GALNT18: variants seen among roughly 807,000 people sequenced by gnomAD.
The protein encoded by GALNT18 is polypeptide N-acetylgalactosaminyltransferase 18.
A neutral mutation model predicts 69.5 loss-of-function variants in GALNT18; 44 were observed. That is an observed-to-expected ratio of 0.63 (90% CI 0.50 to 0.81). GALNT18 has a LOEUF of 0.81. Among genes scored for constraint, GALNT18 ranks in the 40% least tolerant of loss-of-function variants. The pLI is 0.00. For synonymous variants in GALNT18, 364 were observed against 318.2 expected (o/e 1.14, Z -1.53); for missense variants, 715 against 810.0 (o/e 0.88, Z 1.42).
intron 1 of GALNT18, among the ~76,000 whole-genome samples, chr11:11,504,974 A>G (rs373183862): frequency 6.6e-6 from 1 of 152,316 alleles, no homozygotes; most frequent in East Asian, 1.9e-4. Context: ...GTAGCTTCCC[A>G]GCTAAAGGAA....
chr11:11,449,032 A>G, intron 1 of GALNT18, 96 bp from the exon 2 acceptor site: 2 of 1,060,452 alleles, frequency 1.9e-6, no homozygotes, highest in Non-Finnish European at 2.6e-6. Context: ...CCTTTGGTAA[A>G]ACAATCTTAG....
chr11:11,497,257 G>C lies in GALNT18; in HGVS notation c.236-48321C>G, dbSNP rs1856882406. 6.7e-6 allele frequency among the ~76,000 whole-genome samples: 1 copy of C among 149,414 alleles called. No homozygotes were observed. Among genetic ancestry groups the C allele is most frequent in the Non-Finnish European group, 1.5e-5 (1 of 67,754 alleles). ...TCCCTCTACCAAAGCCTTGTGTCCT[G>C]TTTTCCTCATAGCATATACCATTAC... On this transcript the variant is annotated intron_variant, in intron 1 of 10. Transcript: ENST00000227756. The surrounding 1 kb of genome is among the most constrained non-coding windows in gnomAD (Gnocchi z 4.2).
intron 1 of GALNT18, among the ~76,000 whole-genome samples, chr11:11,499,409 CA>C (rs1856929600): frequency 6.6e-6 from 1 of 152,202 alleles, no homozygotes; most frequent in Non-Finnish European, 1.5e-5. Context: ...ACTGCCCTCC[CA>C]CCCCTGACTG....
chr11:11,300,400 CATAAGGGAGAAA>C (rs1849473200), intron 9 of GALNT18, among the ~76,000 whole-genome samples: 2 of 152,290 alleles, frequency 1.3e-5, no homozygotes, highest in South Asian at 4.1e-4. Context: ...TAGAACCCAT[CATAAGGGAGAAA>C]ACAACGGAAT....
In GALNT18 at chr11:11,272,595, A is replaced by G. The variant is rs374975374; in HGVS notation, c.1678-1305T>C. Among the ~76,000 whole-genome samples the G allele has an allele frequency of 4.6e-5, 7 of 152,310 alleles. No homozygotes were observed. The East Asian group carries it at 9.7e-4, about 21-fold the overall frequency. On this transcript the variant is annotated intron_variant, in intron 10 of 10. Transcript: ENST00000227756. Reference sequence around the variant, plus strand: ...CTTGTACTTTTCTGAACCCATTTACATTAACTCAGGGTTCCTGCACTTTAA... The same window carrying G: ...CTTGTACTTTTCTGAACCCATTTACGTTAACTCAGGGTTCCTGCACTTTAA...
chr11:11,486,875 G>A (rs957287977), intron 1 of GALNT18, among the ~76,000 whole-genome samples: 1 of 152,226 alleles, frequency 6.6e-6, no homozygotes, highest in East Asian at 1.9e-4. Flanking sequence ...AAAGGGAGAT[G>A]GATAAGAGCT....
At position 11,387,518 on chromosome 11, in the gene GALNT18, G is replaced by A. The variant is rs1267772053; in HGVS notation, c.596-8254C>T. ...TTGTCTCCAATGGTGCTAATTTAAA[G>A]ATTAAAAGTGTGTTTATTCCTTTCC... On this transcript the variant is annotated intron_variant, in intron 3 of 10. Coordinates refer to ENST00000227756, the MANE Select transcript of GALNT18 (RefSeq NM_198516.3). The surrounding 1 kb of genome is among the most constrained non-coding windows in gnomAD (Gnocchi z 4.6). 2.0e-5 allele frequency among the ~76,000 whole-genome samples: 3 copies of A among 152,192 alleles called. No individual in the cohort carries two copies. The highest frequency in any genetic ancestry group is 4.8e-5 in the African/African-American group (2 of 41,440).
Position 11,332,069 on chromosome 11 carries a change from T to C in GALNT18, c.1416+625A>G, listed in dbSNP as rs1466410310. Among the ~76,000 whole-genome samples the C allele has an allele frequency of 6.6e-6, 1 of 152,126 alleles. No homozygotes were observed. Among genetic ancestry groups the C allele is most frequent in the African/African-American group, 2.4e-5 (1 of 41,426 alleles). ...ACCCCCATTTAACAGGTGAAGAAAC[T>C]GAGGCCCATGACATTAAGACACTTA... On this transcript the variant is annotated intron_variant, in intron 8 of 10. Transcript: ENST00000227756. The surrounding 1 kb of genome is among the most constrained non-coding windows in gnomAD (Gnocchi z 4.3).
chr11:11,272,462 A>G (rs1172408231), intron 10 of GALNT18, among the ~76,000 whole-genome samples: 1 of 152,174 alleles, frequency 6.6e-6, no homozygotes, highest in Non-Finnish European at 1.5e-5. Context: ...ACAAAGTCCA[A>G]GCTCCTCAGT....
Position 11,600,274 on chromosome 11 carries a change from C to T in GALNT18, c.235+21085G>A, listed in dbSNP as rs1444258514. Among the ~76,000 whole-genome samples, 11 of 152,082 alleles carry T rather than the reference C, an allele frequency of 7.2e-5. No homozygotes were observed. The highest frequency in any genetic ancestry group is 1.5e-4 in the Non-Finnish European group (10 of 67,952). On this transcript the variant is annotated intron_variant, in intron 1 of 10. Coordinates refer to ENST00000227756, the MANE Select transcript of GALNT18 (RefSeq NM_198516.3). This position sits in a 1 kb window ranked among gnomAD's most constrained non-coding sequence, Gnocchi z 4.8. ...TTGAATTACTGTCCTGTGTGACTCA[C>T]ATTCAGCCTGAAGAACAATCTGTAG...
Position 11,538,404 on chromosome 11 carries a change from G to T in GALNT18, c.235+82955C>A, listed in dbSNP as rs111365858. On this transcript the variant is annotated intron_variant, in intron 1 of 10. Coordinates refer to ENST00000227756, the MANE Select transcript of GALNT18 (RefSeq NM_198516.3). This position sits in a 1 kb window ranked among gnomAD's most constrained non-coding sequence, Gnocchi z 5.2. ...GTTCATTTCAGCTGAGCCACCCGGG[G>T]TGTCTGTCCCCAGACGTGGACACCA... 2.2e-4 allele frequency among the ~76,000 whole-genome samples: 33 copies of T among 152,314 alleles called. No individual in the cohort carries two copies. Among genetic ancestry groups the T allele is most frequent in the African/African-American group, 7.9e-4 (33 of 41,570 alleles).
At chr11:11,368,146 G>A (rs1242982638) in intron 6 of GALNT18, among the ~76,000 whole-genome samples, 1 of 152,128 alleles carries the variant, frequency 6.6e-6, no homozygotes. Context: ...ATAATCTTCT[G>A]GGTCCCATTG....
chr11:11,292,921 T>A, intron 10 of GALNT18, 108 bp downstream of exon 10: 2 of 1,032,626 alleles, frequency 1.9e-6, no homozygotes, highest in South Asian at 3.6e-5. Flanking sequence ...ACTGCCAGTC[T>A]GTCTCTCCTT....
intron 1 of GALNT18, among the ~76,000 whole-genome samples, chr11:11,477,001 G>A (rs1385436866): frequency 6.6e-6 from 1 of 152,202 alleles, no homozygotes. Context: ...CCATCCCCGA[G>A]GGAAAGGCTG....
intron 10 of GALNT18, among the ~76,000 whole-genome samples, chr11:11,279,970 TGAGAAGCAG>T (rs1297572505): frequency 6.6e-6 from 1 of 151,896 alleles, no homozygotes; most frequent in Non-Finnish European, 1.5e-5. Context: ...AGGCAGGGAC[TGAGAAGCAG>T]GGGGTGCGGG....
intron 6 of GALNT18, among the ~76,000 whole-genome samples, chr11:11,346,769 C>T (rs901935240): frequency 1.3e-5 from 2 of 152,274 alleles, no homozygotes; most frequent in African/African-American, 4.8e-5. Flanking sequence ...TCACCACCGG[C>T]CCTTCCCAGA....
Position 11,616,001 on chromosome 11 carries a change from C to T in GALNT18, c.235+5358G>A, listed in dbSNP as rs1860037231. 6.6e-6 allele frequency among the ~76,000 whole-genome samples: 1 copy of T among 151,990 alleles called. No homozygotes were observed. Among genetic ancestry groups the T allele is most frequent in the Admixed American group, 6.6e-5 (1 of 15,234 alleles). On this transcript the variant is annotated intron_variant, in intron 1 of 10. Transcript: ENST00000227756. The surrounding 1 kb of genome is among the most constrained non-coding windows in gnomAD (Gnocchi z 4.4). Reference sequence around the variant, plus strand: ...TGAGTCTTTTTTTCTTCTTCTTCTTCTTCTTTTTTTCTTTGTAGAGATGGG... The same window carrying T: ...TGAGTCTTTTTTTCTTCTTCTTCTTTTTCTTTTTTTCTTTGTAGAGATGGG...
At chr11:11,453,754 G>A (rs1361342916) in intron 1 of GALNT18, among the ~76,000 whole-genome samples, 6 of 152,186 alleles carry the variant, frequency 3.9e-5, no homozygotes, top group East Asian at 3.9e-4. Flanking sequence ...CTGCCACCAC[G>A]TAAGGTGTGC....
chr11:11,409,232 T>C (rs1854670134), intron 3 of GALNT18, among the ~76,000 whole-genome samples: 2 of 152,054 alleles, frequency 1.3e-5, no homozygotes, highest in South Asian at 4.1e-4. Flanking sequence ...GATGCTCTTC[T>C]CCCCAGCTCC....
Sources: allele counts gnomAD v4.1 joint callset (sites outside exome capture counted in the v4.1 genomes callset), GRCh38; gene constraint gnomAD v4.1.1; non-coding constraint Gnocchi (gnomAD v3.1); transcripts MANE v1.5; gene names NCBI Gene and HGNC (gene_info 2026-07-23, HGNC 2026-07-21).